The following EXPH5 variants were observed in gnomAD, a reference collection of about 807,000 sequenced individuals.
EXPH5 encodes exophilin-5.
Under a neutral mutation model 41.1 loss-of-function variants are expected in EXPH5, and 42 were observed. The observed-to-expected ratio is 1.02, with a 90% CI of 0.80 to 1.32. EXPH5 has a LOEUF of 1.32. Among genes scored for constraint, EXPH5 ranks in the 40% most tolerant of loss-of-function variants. EXPH5 has a pLI of 0.00. For synonymous variants in EXPH5, 798 were observed against 833.5 expected, an observed-to-expected ratio of 0.96 and a Z score of 0.73; for missense variants, 2,298 against 2,314.5, an observed-to-expected ratio of 0.99 and a Z score of 0.15.
At chr11:108,538,365 A>C (rs2093892828) in intron 3 of EXPH5, 2 of 441,896 alleles carry the variant, frequency 4.5e-6, no homozygotes, top group African/African-American at 4.3e-5. Context: ...CTTGTTTTTC[A>C]CAAAGTAATC....
At position 108,511,859 on chromosome 11, in the gene EXPH5, G is replaced by GT; in HGVS notation, c.3647dup (p.Asp1216GlufsTer13). ...TTTTCCCACGTTCTTTTCCTGACAA[G>GT]TCTGAGCAAAAAGGTAAAGGGTCTT... On this transcript the variant is annotated frameshift_variant, in exon 6 of 6. Coordinates refer to ENST00000265843, the MANE Select transcript of EXPH5 (RefSeq NM_015065.3). LOFTEE classifies it low-confidence loss of function (END_TRUNC). The GT allele has an allele frequency of 6.3e-7, 1 of 1,588,224 alleles. No homozygotes were observed. Among genetic ancestry groups the GT allele is most frequent in the Non-Finnish European group, 8.5e-7 (1 of 1,172,224 alleles).
At chr11:108,604,705 G>A in the EXPH5 span, among the ~76,000 whole-genome samples, 1 of 152,100 alleles carries the variant, frequency 6.6e-6, no homozygotes, top group African/African-American at 2.4e-5. Context: ...CTGGAAGTAG[G>A]TGTTAAGGCC....
At chr11:108,579,283 G>T (rs2094090338) in intron 1 of EXPH5, among the ~76,000 whole-genome samples, 2 of 151,042 alleles carry the variant, frequency 1.3e-5, no homozygotes, top group Admixed American at 6.6e-5. Context: ...TATGGTTTAT[G>T]CCCTTGATTC....
At chr11:108,534,250 T>C (rs545350872) in intron 3 of EXPH5, among the ~76,000 whole-genome samples, 3 of 152,336 alleles carry the variant, frequency 2.0e-5, no homozygotes, top group Admixed American at 6.5e-5. Flanking sequence ...CATGGAAATA[T>C]GCCAAAGGGT....
intron 1 of EXPH5, among the ~76,000 whole-genome samples, chr11:108,554,116 T>G (rs1312644718): frequency 6.7e-6 from 1 of 149,084 alleles, no homozygotes; most frequent in Non-Finnish European, 1.5e-5. Flanking sequence ...CAGGCTGGAG[T>G]GCAGTGGTGT....
rs543802307 is a variant in EXPH5, at chr11:108,581,170, G to T, written c.119+12248C>A. Among the ~76,000 whole-genome samples, 5 of 152,206 alleles carry T rather than the reference G, an allele frequency of 3.3e-5. No homozygotes were observed. In the East Asian group the frequency reaches 7.7e-4, roughly 24 times the overall value. The stretch of plus-strand genomic sequence containing the variant: ...AATAGAAAAATTAGCCAGGCGTGGT[G>T]GTGAGTACCTGTAGTCCCAGCTACT... On this transcript the variant is annotated intron_variant, in intron 1 of 5. Transcript: ENST00000265843.
chr11:108,539,133 G>T lies in EXPH5; in HGVS notation c.334C>A (p.Pro112Thr). The T allele has an allele frequency of 6.2e-7, 1 of 1,610,086 alleles. No individual in the cohort carries two copies. The highest frequency in any genetic ancestry group is 8.5e-7 in the Non-Finnish European group (1 of 1,177,634). ...RSKNVTNQKK[P>T]TPFSSRMSFR... ...CTCATCCGGGAAGAAAAAGGTGTCG[G>T]CTTTTTTTGATTAGTTACATTTTTA... Residue 112 changes from proline to threonine, a missense_variant, in exon 3 of 6, where the codon CCG becomes ACG. Pro to Thr is a conservative substitution (Grantham distance 38, BLOSUM62 -1). Transcript: ENST00000265843.
chr11:108,604,739 G>A, the EXPH5 span, among the ~76,000 whole-genome samples: 2 of 152,116 alleles, frequency 1.3e-5, no homozygotes, highest in African/African-American at 2.4e-5. Flanking sequence ...ATGCCTGAGG[G>A]TCCTGAGACC....
At chr11:108,529,609 C>T (rs750058412) in intron 3 of EXPH5, among the ~76,000 whole-genome samples, 43 of 152,222 alleles carry the variant, frequency 2.8e-4, no homozygotes, top group Non-Finnish European at 5.3e-4. Context: ...CTTTGGGAGG[C>T]CGAGGTGGGT....
intron 1 of EXPH5, among the ~76,000 whole-genome samples, chr11:108,568,282 GA>G (rs1466983988): frequency 2.3e-4 from 35 of 152,078 alleles, no homozygotes; most frequent in Non-Finnish European, 1.8e-4. Flanking sequence ...GGGAGGAAAT[GA>G]CCAGGCACGC....
intron 1 of EXPH5, among the ~76,000 whole-genome samples, chr11:108,578,656 A>G (rs1565833195): frequency 1.3e-5 from 2 of 152,218 alleles, no homozygotes. Context: ...AATTCTTCCA[A>G]TCCATGAGCA....
At chr11:108,568,178 G>GGC (rs759457373) in intron 1 of EXPH5, 12 of 148,150 alleles carry the variant, frequency 8.1e-5, no homozygotes, top group African/African-American at 2.3e-4. Flanking sequence ...CTTTTTTTGG[G>GGC]AGGGGGGGAG....
chr11:108,541,834 A>T (rs2093914721), intron 1 of EXPH5, 22 bp from the exon 2 acceptor site: 1 of 1,549,144 alleles, frequency 6.5e-7, no homozygotes, highest in African/African-American at 1.4e-5. Flanking sequence ...TAAAACATTA[A>T]TGTGGTCTTT....
At chr11:108,587,527 A>G (rs2094116840) in intron 1 of EXPH5, among the ~76,000 whole-genome samples, 2 of 152,252 alleles carry the variant, frequency 1.3e-5, no homozygotes, top group African/African-American at 2.4e-5. Flanking sequence ...GTTGATGTAC[A>G]ACTTACCATG....
intron 1 of EXPH5, among the ~76,000 whole-genome samples, chr11:108,551,522 T>G (rs954394801): frequency 3.9e-5 from 6 of 152,172 alleles, no homozygotes; most frequent in African/African-American, 1.4e-4. Flanking sequence ...CTCTGACATC[T>G]CTGACATTTC....
Position 108,513,939 on chromosome 11 carries a change from T to A in EXPH5, c.1568A>T (p.His523Leu). The A allele has an allele frequency of 6.2e-7, 1 of 1,607,242 alleles. No individual in the cohort carries two copies. The highest frequency in any genetic ancestry group is 8.5e-7 in the Non-Finnish European group (1 of 1,177,286). ...TTCCCAGTGTTCAGAAGAAACATTA[T>A]GGCCATGAATGGCTGATACACTATT... is the stretch of plus-strand genomic sequence containing the variant. ...EANSVSAIHG[H>L]NVSSEHWESF... The change falls in exon 6 of 6, where the codon CAT becomes CTT. Residue 523 changes from histidine to leucine, a missense_variant. Physicochemically the swap from His to Leu is moderately conservative, Grantham distance 99. Transcript: ENST00000265843.
intron 1 of EXPH5, among the ~76,000 whole-genome samples, chr11:108,562,967 C>T (rs1170589345): frequency 6.6e-6 from 1 of 152,186 alleles, no homozygotes; most frequent in African/African-American, 2.4e-5. Context: ...GCAAGAGATT[C>T]AAGACATCTA....
In EXPH5 at chr11:108,512,373, A is replaced by C. The variant is rs1397803611; in HGVS notation, c.3134T>G (p.Leu1045Trp). 1.1e-5 allele frequency: 17 copies of C among 1,609,894 alleles called. No homozygotes were observed. Among genetic ancestry groups the C allele is most frequent in the Non-Finnish European group, 1.4e-5 (16 of 1,178,586 alleles). ...QSGSKIMAAS[L>W]RNGPPPFQIK... is the part of the protein sequence containing the mutation. ...TTGGAAGGGAGGTGGCCCATTCCTC[A>C]ATGAAGCAGCCATTATTTTACTTCC... The change falls in exon 6 of 6, where the codon TTG (leucine) becomes TGG (tryptophan). Residue 1045 changes from leucine to tryptophan, a missense_variant. By Grantham distance (61) the Leu-to-Trp change is moderately conservative (BLOSUM62 -2). Coordinates refer to ENST00000265843, the MANE Select transcript of EXPH5 (RefSeq NM_015065.3).
chr11:108,521,158 T>G (rs2093762740), intron 4 of EXPH5, among the ~76,000 whole-genome samples: 1 of 152,120 alleles, frequency 6.6e-6, no homozygotes, highest in Non-Finnish European at 1.5e-5. Context: ...ACCTCAAAAT[T>G]TCCCTTTCTA....
Sources: allele counts gnomAD v4.1 joint callset (sites outside exome capture counted in the v4.1 genomes callset), GRCh38; gene constraint gnomAD v4.1.1; transcripts MANE v1.5; gene names NCBI Gene and HGNC (gene_info 2026-07-23, HGNC 2026-07-21).